The following FRMD3 variants were observed in gnomAD, a reference collection of about 807,000 sequenced individuals.
FRMD3 encodes the protein FERM domain containing 3.
A neutral mutation model predicts 70.2 loss-of-function variants in FRMD3; 33 were observed. The observed-to-expected ratio is 0.47, with a 90% CI of 0.36 to 0.63. The LOEUF (loss-of-function observed/expected upper bound fraction) is 0.63. FRMD3 is among the 20% of genes least tolerant of loss of function. FRMD3 has a pLI of 0.00. For synonymous variants in FRMD3, 279 were observed against 255.9 expected (o/e 1.09, Z -0.86); for missense variants, 632 against 711.4 (o/e 0.89, Z 1.27).
At chr9:83,405,209 C>T (rs1022565782) in intron 1 of FRMD3, among the ~76,000 whole-genome samples, 7 of 152,144 alleles carry the variant, frequency 4.6e-5, no homozygotes, top group African/African-American at 1.7e-4. Flanking sequence ...TAGCCCTTGG[C>T]AATGTATTAA....
At chr9:83,264,506 G>A (rs552711955) in intron 13 of FRMD3, among the ~76,000 whole-genome samples, 6 of 152,312 alleles carry the variant, frequency 3.9e-5, no homozygotes, top group South Asian at 4.1e-4. Context: ...TGTAACAAAT[G>A]TACTTCTCTT....
At chr9:83,299,069 C>T (rs1482992551) in intron 11 of FRMD3, 43 bp downstream of exon 11, 2 of 1,396,760 alleles carry the variant, frequency 1.4e-6, no homozygotes, top group Admixed American at 1.7e-5. Context: ...TAAGTGGCTG[C>T]CCATCCCCAC....
intron 13 of FRMD3, among the ~76,000 whole-genome samples, chr9:83,289,581 T>G (rs896244560): frequency 1.3e-5 from 2 of 152,224 alleles, no homozygotes; most frequent in Non-Finnish European, 2.9e-5. Flanking sequence ...ATATCCTTAT[T>G]ATAGACTAAG....
At chr9:83,383,847 T>C (rs1825431752) in intron 2 of FRMD3, among the ~76,000 whole-genome samples, 1 of 152,214 alleles carries the variant, frequency 6.6e-6, no homozygotes, top group Non-Finnish European at 1.5e-5. Context: ...AAGTGACTTC[T>C]AGATGGCAAC....
At chr9:83,338,741 G>A (rs1823660385) in intron 5 of FRMD3, among the ~76,000 whole-genome samples, 1 of 152,162 alleles carries the variant, frequency 6.6e-6, no homozygotes, top group Non-Finnish European at 1.5e-5. Context: ...TATGAACCCA[G>A]CATTGCCCTT....
intron 1 of FRMD3, among the ~76,000 whole-genome samples, chr9:83,476,494 T>C (rs1440412354): frequency 1.3e-5 from 2 of 151,926 alleles, no homozygotes; most frequent in Non-Finnish European, 2.9e-5. Context: ...AGGTGAAGAG[T>C]TTGTCCCAGA....
At chr9:83,411,022 G>A (rs1457137962) in intron 1 of FRMD3, among the ~76,000 whole-genome samples, 2 of 152,166 alleles carry the variant, frequency 1.3e-5, no homozygotes, top group Non-Finnish European at 2.9e-5. Context: ...CTGAATGACA[G>A]AGTTCCTTCC....
intron 1 of FRMD3, among the ~76,000 whole-genome samples, chr9:83,453,072 T>C (rs1033445745): frequency 1.1e-4 from 17 of 151,876 alleles, no homozygotes; most frequent in African/African-American, 4.1e-4. Context: ...GTCAGGCTGG[T>C]CTCAAACTCC....
chr9:83,538,610 T>A (rs1829956514), upstream of FRMD3: 1 of 165,260 alleles, frequency 6.1e-6, no homozygotes, highest in Admixed American at 6.4e-5. This position sits in a 1 kb window ranked among gnomAD's most constrained non-coding sequence, Gnocchi z 4.7. Context: ...CTGGCGCGGC[T>A]GGCCCGGGTG....
At chr9:83,331,024 A>T (rs1836237608) in intron 6 of FRMD3, among the ~76,000 whole-genome samples, 1 of 152,240 alleles carries the variant, frequency 6.6e-6, no homozygotes, top group South Asian at 2.1e-4. Flanking sequence ...TGCTACAGCC[A>T]CTTTGGAAAA....
At chr9:83,568,268 T>C in the FRMD3 span, among the ~76,000 whole-genome samples, 58,954 of 151,980 alleles carry the variant, frequency 0.39, 12,207 homozygotes, top group African/African-American at 0.53. Context: ...CCCCTGGGTC[T>C]CTCCCACAAC....
chr9:83,401,347 T>C (rs1405239522), intron 1 of FRMD3, among the ~76,000 whole-genome samples: 2 of 152,160 alleles, frequency 1.3e-5, no homozygotes, highest in Admixed American at 1.3e-4. Flanking sequence ...AAAAGTAGAA[T>C]CACAGAATGT....
intron 10 of FRMD3, among the ~76,000 whole-genome samples, chr9:83,308,520 A>G (rs924507783): frequency 2.6e-5 from 4 of 152,128 alleles, no homozygotes; most frequent in African/African-American, 9.7e-5. Flanking sequence ...ACTGATCAAA[A>G]GCCACCTGGA....
chr9:83,357,077 A>G (rs1004660148), intron 3 of FRMD3, among the ~76,000 whole-genome samples: 1 of 145,646 alleles, frequency 6.9e-6, no homozygotes, highest in African/African-American at 2.6e-5. Flanking sequence ...ATGGCTGAGT[A>G]GTATTCCATG....
intron 1 of FRMD3, among the ~76,000 whole-genome samples, chr9:83,408,257 C>G (rs868556589): frequency 6.6e-6 from 1 of 152,116 alleles, no homozygotes; most frequent in Non-Finnish European, 1.5e-5. Flanking sequence ...CAGATTAAAA[C>G]GAAGAAAGGA....
At chr9:83,361,835 G>T (rs1035104209) in intron 3 of FRMD3, among the ~76,000 whole-genome samples, 4 of 152,174 alleles carry the variant, frequency 2.6e-5, no homozygotes, top group African/African-American at 9.7e-5. Context: ...GAGGCAGAGT[G>T]TGGAGTGAGG....
Position 83,324,328 on chromosome 9 carries a change from A to G in FRMD3, c.597-10581T>C, listed in dbSNP as rs554637628. Among the ~76,000 whole-genome samples the G allele has an allele frequency of 4.6e-5, 7 of 152,288 alleles. No homozygotes were observed. The East Asian group carries it at 1.4e-3, about 29-fold the overall frequency. ...AGAATAAGCAACCCAAAATTCAGAA[A>G]AGTGTACCTATGGGAGGAGAGAGGG... On this transcript the variant is annotated intron_variant, in intron 6 of 13. Transcript: ENST00000304195.
At chr9:83,479,657 AAGGAAGGAAGGAAGG>A (rs1475197270) in intron 1 of FRMD3, among the ~76,000 whole-genome samples, 7 of 52,730 alleles carry the variant, frequency 1.3e-4, no homozygotes, top group African/African-American at 7.4e-4. Context: ...GGAAGGAAGG[AAGGAAGGAAGGAAGG>A]AAAGAAAGAA....
chr9:83,479,948 A>G (rs1828529014), intron 1 of FRMD3, among the ~76,000 whole-genome samples: 1 of 152,156 alleles, frequency 6.6e-6, no homozygotes, highest in Non-Finnish European at 1.5e-5. Context: ...CACAATACTA[A>G]GTGTTGGAGA....
Sources: allele counts gnomAD v4.1 joint callset (sites outside exome capture counted in the v4.1 genomes callset), GRCh38; gene constraint gnomAD v4.1.1; non-coding constraint Gnocchi (gnomAD v3.1); transcripts MANE v1.5; gene names NCBI Gene and HGNC (gene_info 2026-07-23, HGNC 2026-07-21).